SMAD3: variants seen among roughly 807,000 people sequenced by gnomAD.
SMAD3 encodes MAD homolog 3.
In SMAD3, 12 loss-of-function variants were observed where a neutral mutation model predicts 51.8. The ratio of observed to expected loss-of-function variants is 0.23; its 90% CI spans 0.15 to 0.38. The LOEUF is 0.38. Among genes scored for constraint, SMAD3 ranks in the 10% least tolerant of loss-of-function variants. The probability of loss-of-function intolerance (pLI) is 1.00; values close to 1 mark genes in which losing one functional copy is unlikely to be tolerated. For synonymous variants in SMAD3, 238 were observed against 227.7 expected, an observed-to-expected ratio of 1.05 and a Z score of -0.41; for missense variants, 294 against 565.6, an observed-to-expected ratio of 0.52 and a Z score of 4.87.
chr15:67,086,309 C>T (rs1299753307), intron 1 of SMAD3, among the ~76,000 whole-genome samples: 3 of 152,086 alleles, frequency 2.0e-5, no homozygotes, highest in Non-Finnish European at 4.4e-5. Context: ...CTGTCTTTGG[C>T]TGAGAGCATC....
At chr15:67,099,984 C>T (rs1960712777) in intron 1 of SMAD3, among the ~76,000 whole-genome samples, 1 of 152,046 alleles carries the variant, frequency 6.6e-6, no homozygotes, top group East Asian at 1.9e-4. Flanking sequence ...GAGTTCAAGA[C>T]CATCCTGACC....
At chr15:67,156,801 G>C (rs11637537) in intron 1 of SMAD3, among the ~76,000 whole-genome samples, 37,067 of 143,394 alleles carry the variant, frequency 0.26, 4,819 homozygotes, top group East Asian at 0.4. Flanking sequence ...GGCAGTAGCT[G>C]CCTGGGGGTG....
At chr15:67,107,536 C>T (rs929308945) in intron 1 of SMAD3, among the ~76,000 whole-genome samples, 2 of 152,242 alleles carry the variant, frequency 1.3e-5, no homozygotes, top group African/African-American at 4.8e-5. Context: ...GTCCGTCATT[C>T]GGCTGCGAGT....
At chr15:67,148,732 G>A (rs1474975459) in intron 1 of SMAD3, among the ~76,000 whole-genome samples, 1 of 152,194 alleles carries the variant, frequency 6.6e-6, no homozygotes, top group African/African-American at 2.4e-5. Context: ...TCTTGATCGG[G>A]TTCACAAGGC....
intron 1 of SMAD3, among the ~76,000 whole-genome samples, chr15:67,102,803 C>T (rs969686719): frequency 1.9e-4 from 29 of 152,020 alleles, no homozygotes; most frequent in Admixed American, 7.9e-4. Flanking sequence ...TGGAAGTGAC[C>T]GCTTTCTGGA....
At chr15:67,182,661 C>G (rs922759161) in intron 6 of SMAD3, among the ~76,000 whole-genome samples, 4 of 151,378 alleles carry the variant, frequency 2.6e-5, no homozygotes, top group African/African-American at 9.7e-5. Flanking sequence ...TCTGTGCTCT[C>G]ATTTTCTAGG....
rs571529451 is a variant in SMAD3, at chr15:67,193,715, A to G, written c.*3179A>G. ...TTGTATTTTTTTTTTTTTATTGACC[A>G]TGGTGATTATTTTTTTAAACCATCG... is the stretch of plus-strand genomic sequence containing the variant. On this transcript the variant is annotated 3_prime_UTR_variant, in exon 9 of 9. Coordinates refer to ENST00000327367, the MANE Select transcript of SMAD3 (RefSeq NM_005902.4). 5.6e-5 allele frequency: 13 copies of G among 231,890 alleles called. No individual in the cohort carries two copies. Among genetic ancestry groups the G allele is most frequent in the Non-Finnish European group, 8.5e-5 (10 of 117,364 alleles). The allele number at this position is 231,890 out of a possible 1,614,324, so 14.4% of individuals were successfully genotyped here.
At position 67,066,200 on chromosome 15, in the gene SMAD3, C is replaced by G. The variant is rs2140188791; in HGVS notation, c.46C>G (p.Leu16Val). The change falls in exon 1 of 9, where the codon CTG (leucine) becomes GTG (valine). Residue 16 changes from leucine (L) to valine (V), a missense_variant. Around this residue, in one of 3 missense-constraint regions of SMAD3, gnomAD observed 147 missense variants for 260.9 expected, o/e 0.56. Transcript: ENST00000327367. ...CACTCCCCCGATCGTGAAGCGCCTG[C>G]TGGGCTGGAAGAAGGGCGAGCAGAA... ...PFTPPIVKRL[L>V]GWKKGEQNGQ... 6.2e-7 allele frequency: 1 copy of G among 1,612,454 alleles called. No homozygotes were observed. The highest frequency in any genetic ancestry group is 8.5e-7 in the Non-Finnish European group (1 of 1,179,466).
In SMAD3 at chr15:67,070,620, TCTAA is replaced by T. The variant is rs537418413; in HGVS notation, c.206+4263_206+4266del. Among the ~76,000 whole-genome samples, 30 of 151,206 alleles carry T rather than the reference TCTAA, an allele frequency of 2.0e-4. No homozygotes were observed. In the East Asian group the frequency reaches 5.2e-3, roughly 26 times the overall value. ...ACATGAATAGGGCATTATTTGAGTA[TCTAA>T]CTGCTATCTCTTTCTCATTCCCAGC... On this transcript the variant is annotated intron_variant, in intron 1 of 8. Coordinates refer to ENST00000327367, the MANE Select transcript of SMAD3 (RefSeq NM_005902.4).
chr15:67,118,249 G>A (rs948765092), intron 1 of SMAD3, among the ~76,000 whole-genome samples: 1 of 152,246 alleles, frequency 6.6e-6, no homozygotes, highest in Non-Finnish European at 1.5e-5. Context: ...GGAGCCCAGT[G>A]AGGGCCTGTC....
intron 1 of SMAD3, among the ~76,000 whole-genome samples, chr15:67,140,568 T>A (rs985289806): frequency 6.6e-6 from 1 of 152,000 alleles, no homozygotes; most frequent in Non-Finnish European, 1.5e-5. Flanking sequence ...GTATGACAGG[T>A]GGGTCTAGAG....
intron 1 of SMAD3, among the ~76,000 whole-genome samples, chr15:67,092,921 A>G (rs563635584): frequency 6.6e-6 from 1 of 152,210 alleles, no homozygotes; most frequent in Non-Finnish European, 1.5e-5. Context: ...CAGCTTCTGC[A>G]TCATGGAAAA....
chr15:67,164,668 G>A (rs1962526224), intron 1 of SMAD3, among the ~76,000 whole-genome samples: 1 of 152,234 alleles, frequency 6.6e-6, no homozygotes. Flanking sequence ...ACTGGTGGGT[G>A]AGGCCCGCTC....
chr15:67,162,039 T>C (rs1322284147), intron 1 of SMAD3, among the ~76,000 whole-genome samples: 1 of 152,174 alleles, frequency 6.6e-6, no homozygotes, highest in African/African-American at 2.4e-5. Context: ...AGGAAGGTAA[T>C]TACATCCTTC....
intron 1 of SMAD3, among the ~76,000 whole-genome samples, chr15:67,070,981 T>C (rs905025640): frequency 2.6e-5 from 4 of 152,198 alleles, no homozygotes; most frequent in South Asian, 4.1e-4. Flanking sequence ...TATTGAATTA[T>C]TCAGTCCTTC....
At chr15:67,181,178 C>G (rs1363011156) in intron 5 of SMAD3, 63 bp from the exon 6 acceptor site, 15 of 1,242,282 alleles carry the variant, frequency 1.2e-5, no homozygotes, top group Middle Eastern at 5.3e-4. Flanking sequence ...TCCATGGGAC[C>G]CCATCGAGGG....
intron 1 of SMAD3, among the ~76,000 whole-genome samples, chr15:67,084,076 T>C (rs961159828): frequency 0.015 from 1,945 of 125,708 alleles, 44 homozygotes; most frequent in African/African-American, 0.06. Flanking sequence ...TTTTCTTTTT[T>C]TTTTTTTTTT....
intron 1 of SMAD3, among the ~76,000 whole-genome samples, chr15:67,111,946 C>T (rs1961023159): frequency 6.6e-6 from 1 of 151,822 alleles, no homozygotes; most frequent in Admixed American, 6.6e-5. Flanking sequence ...TGCCACCACA[C>T]CTGGCTAATT....
chr15:67,177,518 G>A (rs1049679690), intron 5 of SMAD3, among the ~76,000 whole-genome samples: 2 of 142,722 alleles, frequency 1.4e-5, no homozygotes, highest in African/African-American at 5.2e-5. Context: ...TGCCTCCTGG[G>A]TTCAAGTGAT....
Sources: gnomAD v4.1 joint callset for allele counts (sites outside exome capture counted in the v4.1 genomes callset) on GRCh38, gnomAD v4.1.1 for gene constraint, gnomAD v4.1.1 regional missense constraint, MANE v1.5 for transcripts, NCBI Gene and HGNC (gene_info 2026-07-23, HGNC 2026-07-21) for gene names.